PIGG: variants seen among roughly 807,000 people sequenced by gnomAD.
The protein encoded by PIGG is GPI ethanolamine phosphate transferase 2, catalytic subunit.
A neutral mutation model predicts 83.2 loss-of-function variants in PIGG; 70 were observed. The ratio of observed to expected loss-of-function variants is 0.84; its 90% CI spans 0.69 to 1.03. The LOEUF (loss-of-function observed/expected upper bound fraction) is 1.03. Ranked by LOEUF, PIGG falls within the 50% of genes least tolerant of loss-of-function variation. PIGG has a pLI of 0.00. For synonymous variants in PIGG, 532 were observed against 519.5 expected, an observed-to-expected ratio of 1.02 and a Z score of -0.33; for missense variants, 1,257 against 1,233.6, an observed-to-expected ratio of 1.02 and a Z score of -0.28.
chr4:505,632 C>CAAAA lies in PIGG; in HGVS notation c.361-72_361-69dup, dbSNP rs374663154. Reference sequence around the variant, plus strand: ...TGAGCAACAGAGAGGGACCCTGTCTCAAAAAAAAAAAAAAAAATCTTCAGT... The same window carrying CAAAA: ...TGAGCAACAGAGAGGGACCCTGTCTCAAAAAAAAAAAAAAAAAAAAATCTTCAGT... On this transcript the variant is annotated intron_variant, in intron 2 of 12. Transcript: ENST00000453061. 4,817 of 734,452 alleles carry CAAAA rather than the reference C, an allele frequency of 6.6e-3. 23 individuals carry two copies. Among genetic ancestry groups the CAAAA allele is most frequent in the Middle Eastern group, 0.013 (31 of 2,452 alleles). The allele number at this position is 734,452 out of a possible 1,614,324, so 45.5% of individuals were successfully genotyped here. A position where few individuals can be genotyped will look rare whatever the true frequency, so the allele number is the denominator to read the frequency against.
intron 2 of PIGG, 60 bp from the exon 3 acceptor site, chr4:505,658 G>T: frequency 1.7e-6 from 2 of 1,172,876 alleles, no homozygotes; most frequent in Non-Finnish European, 2.5e-6. Context: ...AATCTTCAGT[G>T]CCCTTTTCAT....
intron 5 of PIGG, 71 bp downstream of exon 5, chr4:509,041 G>A: frequency 7.3e-7 from 1 of 1,363,926 alleles, no homozygotes; most frequent in South Asian, 1.3e-5. Flanking sequence ...TTTTAATTTT[G>A]AAAACCTATT....
chr4:512,366 C>G (rs185577079), intron 5 of PIGG, among the ~76,000 whole-genome samples: 1 of 151,158 alleles, frequency 6.6e-6, no homozygotes, highest in Non-Finnish European at 1.5e-5. Context: ...ATTACAGGCA[C>G]CCACCACCAC....
Position 533,816 on chromosome 4 carries a change from AG to A in PIGG, c.2573del. 6.2e-7 allele frequency: 1 copy of A among 1,613,980 alleles called. No homozygotes were observed. Among genetic ancestry groups the A allele is most frequent in the Non-Finnish European group, 8.5e-7 (1 of 1,179,838 alleles). ...TTTGTCAGCTCTTCTCCTGTATTCC[AG>A]GGCAACTCCAACAACATTGCCACCG... On this transcript the variant is annotated splice_acceptor_variant, in intron 11 of 12. Coordinates refer to ENST00000453061, the MANE Select transcript of PIGG (RefSeq NM_001127178.3). LOFTEE classifies it high-confidence loss of function.
chr4:518,541 C>A (rs1370129077), intron 6 of PIGG, among the ~76,000 whole-genome samples: 2 of 152,138 alleles, frequency 1.3e-5, no homozygotes, highest in African/African-American at 4.8e-5. Flanking sequence ...TGCAGTGAGC[C>A]GAGATGGCGA....
At position 529,127 on chromosome 4, in the gene PIGG, G is replaced by GGGAGGA. The variant is rs895908963; in HGVS notation, c.2262-1299_2262-1294dup. On this transcript the variant is annotated intron_variant, in intron 10 of 12. Coordinates refer to ENST00000453061, the MANE Select transcript of PIGG (RefSeq NM_001127178.3). Reference sequence around the variant, plus strand: ...GCAGGATCAGACTCTGCCCGGCCAGGGGAGGAGGAGGAGGACCCACCAAAG... The same window carrying GGGAGGA: ...GCAGGATCAGACTCTGCCCGGCCAGGGGAGGAGGAGGAGGAGGAGGACCCACCAAAG... 2.6e-5 allele frequency among the ~76,000 whole-genome samples: 4 copies of GGGAGGA among 152,268 alleles called. No homozygotes were observed. The South Asian group carries it at 8.3e-4, about 32-fold the overall frequency.
chr4:516,073 C>T lies in PIGG; in HGVS notation c.1002C>T (p.Leu334=), dbSNP rs565145222. The T allele has an allele frequency of 1.2e-5, 20 of 1,613,682 alleles. No homozygotes were observed. In the South Asian group the frequency reaches 2.2e-4, roughly 18 times the overall value. Residue 334 remains leucine, a synonymous_variant, in exon 6 of 13, where the codon CTC becomes CTT. Coordinates refer to ENST00000453061, the MANE Select transcript of PIGG (RefSeq NM_001127178.3). ...TTCCAAAAGACAGTGTAGGGAGCCT[C>T]CTATTCCCAGTTGTGGAAGGAAGAC... The part of the protein sequence containing the change: ...LPIPKDSVGS[L]LFPVVEGRPM...
intron 12 of PIGG, among the ~76,000 whole-genome samples, chr4:538,384 C>T (rs1055167205): frequency 1.3e-5 from 2 of 152,146 alleles, no homozygotes; most frequent in African/African-American, 4.8e-5. Context: ...CAGCAAACCC[C>T]GCTGGGCCAG....
chr4:499,588 C>G, intron 1 of PIGG, 99 bp downstream of exon 1: 2 of 1,446,994 alleles, frequency 1.4e-6, no homozygotes, highest in Non-Finnish European at 1.8e-6. Flanking sequence ...TCGGCGCTCC[C>G]CGGTGGTCTC....
chr4:523,800 G>A lies in PIGG; in HGVS notation c.1956G>A (p.Trp652Ter). 1 of 1,613,600 alleles carries A rather than the reference G, an allele frequency of 6.2e-7. No individual in the cohort carries two copies. The highest frequency in any genetic ancestry group is 8.5e-7 in the Non-Finnish European group (1 of 1,179,998). Residue 652 changes from tryptophan to a stop codon, truncating the protein, a stop_gained, in exon 9 of 13, where the codon TGG becomes TGA. Coordinates refer to ENST00000453061, the MANE Select transcript of PIGG (RefSeq NM_001127178.3). LOFTEE classifies it high-confidence loss of function. ...AAGTGCTCAGAGGCCGCGAGAAGTG[G>A]ATGGTGCTGGCCAGTCCGTGGCTAA... ...TSEVLRGREK[W>*]MVLASPWLIL...
rs536470101 is a variant in PIGG, at chr4:525,187, G to C, written c.2069+1274G>C. 7 of 985,082 alleles carry C rather than the reference G, an allele frequency of 7.1e-6. No individual in the cohort carries two copies. In the South Asian group the frequency reaches 3.3e-4, roughly 46 times the overall value. The allele number at this position is 985,082 out of a possible 1,614,324, so 61.0% of individuals were successfully genotyped here. Reference sequence around the variant, plus strand: ...ATCCTGAAGGGACAGAGCCGTGTGGGGGAATTCAGCCACCTCCTGAGCCTT... The same window carrying C: ...ATCCTGAAGGGACAGAGCCGTGTGGCGGAATTCAGCCACCTCCTGAGCCTT... On this transcript the variant is annotated intron_variant, in intron 9 of 12. Coordinates refer to ENST00000453061, the MANE Select transcript of PIGG (RefSeq NM_001127178.3).
chr4:516,015 C>T lies in PIGG; in HGVS notation c.944C>T (p.Ala315Val). The T allele has an allele frequency of 6.2e-7, 1 of 1,614,194 alleles. No homozygotes were observed. The highest frequency in any genetic ancestry group is 1.1e-5 in the South Asian group (1 of 91,092). The change falls in exon 6 of 13, where the codon GCT (alanine) becomes GTT (valine). Residue 315 changes from alanine (A) to valine (V), a missense_variant. By Grantham distance (64) the Ala-to-Val change is moderately conservative. Coordinates refer to ENST00000453061, the MANE Select transcript of PIGG (RefSeq NM_001127178.3). ...AAGCACGTCCAACAGACGGATGTGGCTGCGACACTGGCGATAGCACTTGGC... is the reference window on the plus strand; with the variant it reads ...AAGCACGTCCAACAGACGGATGTGGTTGCGACACTGGCGATAGCACTTGGC... ...HPKHVQQTDV[A>V]ATLAIALGLP...
intron 6 of PIGG, among the ~76,000 whole-genome samples, chr4:519,871 C>T (rs1725217167): frequency 1.1e-5 from 1 of 93,246 alleles, no homozygotes; most frequent in African/African-American, 5.1e-5. Flanking sequence ...GGTGGGCCTG[C>T]AGGCGTGTGG....
Position 499,325 on chromosome 4 carries a change from G to C in PIGG, c.-11G>C. Reference sequence around the variant, plus strand: ...TGGGGTCGGTTCCGCATCCAGCCTAGCGTGTCCACGATGCGGCTGGGCTCC... The same window carrying C: ...TGGGGTCGGTTCCGCATCCAGCCTACCGTGTCCACGATGCGGCTGGGCTCC... On this transcript the variant is annotated 5_prime_UTR_variant, in exon 1 of 13. Coordinates refer to ENST00000453061, the MANE Select transcript of PIGG (RefSeq NM_001127178.3). The C allele has an allele frequency of 6.2e-7, 1 of 1,605,592 alleles. No individual in the cohort carries two copies. The highest frequency in any genetic ancestry group is 8.5e-7 in the Non-Finnish European group (1 of 1,179,666).
intron 3 of PIGG, among the ~76,000 whole-genome samples, chr4:506,207 A>G (rs1719627148): frequency 1.3e-5 from 2 of 152,236 alleles, no homozygotes; most frequent in Admixed American, 1.3e-4. Flanking sequence ...TGACACAGCC[A>G]AGGGACTGTC....
In PIGG at chr4:528,289, G is replaced by A; in HGVS notation, c.2261+1059G>A. 1 of 983,072 alleles carries A rather than the reference G, an allele frequency of 1.0e-6. No homozygotes were observed. The highest frequency in any genetic ancestry group is 1.2e-6 in the Non-Finnish European group (1 of 827,888). The allele number at this position is 983,072 out of a possible 1,614,324, so 60.9% of individuals were successfully genotyped here. Reference sequence around the variant, plus strand: ...TTAAAATACTGGTGATTATATTTAGGACCTGAAATCATAAGATTGTGGTCT... The same window carrying A: ...TTAAAATACTGGTGATTATATTTAGAACCTGAAATCATAAGATTGTGGTCT... On this transcript the variant is annotated intron_variant, in intron 10 of 12. Transcript: ENST00000453061. The surrounding 1 kb of genome is among the most constrained non-coding windows in gnomAD (Gnocchi z 4.8).
chr4:528,414 G>A lies in PIGG; in HGVS notation c.2261+1184G>A, dbSNP rs920003992. ...AGGTGACTGCTGAGGGCTGTGGCCA[G>A]CCTGAGGGGTGGCCGTGGGGCTCCG... is the stretch of plus-strand genomic sequence containing the variant. On this transcript the variant is annotated intron_variant, in intron 10 of 12. Transcript: ENST00000453061. The surrounding 1 kb of genome is among the most constrained non-coding windows in gnomAD (Gnocchi z 4.8). 2.2e-5 allele frequency: 22 copies of A among 984,984 alleles called. No individual in the cohort carries two copies. The Admixed American group carries it at 1.3e-3, about 58-fold the overall frequency. The allele number at this position is 984,984 out of a possible 1,614,324, so 61.0% of individuals were successfully genotyped here.
In PIGG at chr4:528,443, G is replaced by A. The variant is rs530612074; in HGVS notation, c.2261+1213G>A. ...GAGGGGTGGCCGTGGGGCTCCGGGG[G>A]CACCCCTGGAAGTACTTCCTGGCTG... is the stretch of plus-strand genomic sequence containing the variant. On this transcript the variant is annotated intron_variant, in intron 10 of 12. Coordinates refer to ENST00000453061, the MANE Select transcript of PIGG (RefSeq NM_001127178.3). The surrounding 1 kb of genome is among the most constrained non-coding windows in gnomAD (Gnocchi z 4.8). 2 of 985,354 alleles carry A rather than the reference G, an allele frequency of 2.0e-6. No homozygotes were observed. The highest frequency in any genetic ancestry group is 2.4e-6 in the Non-Finnish European group (2 of 829,894). The allele number at this position is 985,354 out of a possible 1,614,324, so 61.0% of individuals were successfully genotyped here.
chr4:505,558 A>G (rs1330996772), intron 2 of PIGG, among the ~76,000 whole-genome samples, 160 bp from the exon 3 acceptor site: 1 of 145,928 alleles, frequency 6.9e-6, no homozygotes, highest in African/African-American at 2.5e-5. Flanking sequence ...GCTTGGGCCC[A>G]GGAGTTCAAA....
Sources: allele counts gnomAD v4.1 joint callset (sites outside exome capture counted in the v4.1 genomes callset), GRCh38; gene constraint gnomAD v4.1.1; non-coding constraint Gnocchi (gnomAD v3.1); transcripts MANE v1.5; gene names NCBI Gene and HGNC (gene_info 2026-07-23, HGNC 2026-07-21).